OPN3: variants seen among roughly 807,000 people sequenced by gnomAD.
OPN3 encodes opsin 3.
Under a neutral mutation model 33.8 loss-of-function variants are expected in OPN3, and 29 were observed. The ratio of observed to expected loss-of-function variants is 0.86; its 90% CI spans 0.64 to 1.17. OPN3 has a LOEUF of 1.17. Among genes scored for constraint, OPN3 ranks in the 50% most tolerant of loss-of-function variants. The pLI, the probability that OPN3 is intolerant of heterozygous loss-of-function variation, is 0.00. For synonymous variants in OPN3, 216 were observed against 216.1 expected (o/e 1.00, Z 0.00); for missense variants, 437 against 514.1 (o/e 0.85, Z 1.45).
At chr1:241,612,274 A>T (rs955268900) in intron 1 of OPN3, among the ~76,000 whole-genome samples, 1 of 152,220 alleles carries the variant, frequency 6.6e-6, no homozygotes, top group African/African-American at 2.4e-5. Flanking sequence ...GTGAATGAGC[A>T]CACAGTAAAA....
intron 1 of OPN3, among the ~76,000 whole-genome samples, chr1:241,608,009 A>C (rs960596280): frequency 1.2e-4 from 19 of 152,218 alleles, no homozygotes; most frequent in African/African-American, 4.6e-4. Context: ...AAAAAATCTA[A>C]AAACCTAAAG....
chr1:241,635,828 G>T, intron 1 of OPN3: 1 of 1,492,628 alleles, frequency 6.7e-7, no homozygotes, highest in Non-Finnish European at 9.1e-7. Context: ...TGATTATGCT[G>T]TAATAAAATC....
intron 1 of OPN3, chr1:241,630,910 T>G (rs1202242883): frequency 3.3e-5 from 5 of 152,102 alleles, no homozygotes; most frequent in African/African-American, 4.8e-5. Flanking sequence ...TAGTAAATTA[T>G]TTGTTGCTGT....
chr1:241,594,448 T>C lies in OPN3; in HGVS notation c.1189A>G (p.Ile397Val). 1 of 1,613,290 alleles carries C rather than the reference T, an allele frequency of 6.2e-7. No individual in the cohort carries two copies. The highest frequency in any genetic ancestry group is 8.5e-7 in the Non-Finnish European group (1 of 1,179,300). ...DKTNGSKVDV[I>V]QVRPL Reference sequence around the variant, plus strand: ...CATTCCTACAAAGGACGAACTTGGATTACATCAACTTTGGACCCATTGGTT... The same window carrying C: ...CATTCCTACAAAGGACGAACTTGGACTACATCAACTTTGGACCCATTGGTT... The change falls in exon 4 of 4, where the codon ATC becomes GTC. Residue 397 changes from isoleucine (I) to valine (V), a missense_variant. Coordinates refer to ENST00000366554, the MANE Select transcript of OPN3 (RefSeq NM_014322.3).
In OPN3 at chr1:241,606,312, G is replaced by A. The variant is rs1663827934; in HGVS notation, c.374-1733C>T. On this transcript the variant is annotated intron_variant, in intron 1 of 3. Coordinates refer to ENST00000366554, the MANE Select transcript of OPN3 (RefSeq NM_014322.3). ...TAATCTCAGCACTTTGAGAGGCCGA[G>A]GCGGGTGGATCACCTGAGGTCAGGG... Among the ~76,000 whole-genome samples, 6 of 152,278 alleles carry A rather than the reference G, an allele frequency of 3.9e-5. No individual in the cohort carries two copies. In the South Asian group the frequency reaches 1.2e-3, roughly 32 times the overall value.
chr1:241,627,426 GGA>G (rs557470831), intron 1 of OPN3, among the ~76,000 whole-genome samples: 62 of 152,234 alleles, frequency 4.1e-4, no homozygotes, highest in African/African-American at 1.4e-3. Context: ...ATACAAAGTA[GGA>G]GAGTCCAGGC....
intron 1 of OPN3, chr1:241,629,927 CT>C (rs1252583247): frequency 6.6e-6 from 1 of 151,766 alleles, no homozygotes; most frequent in Admixed American, 6.6e-5. Flanking sequence ...TTTTTTCCCC[CT>C]AAATTAAAAA....
chr1:241,636,403 T>C (rs184898854), intron 1 of OPN3, among the ~76,000 whole-genome samples: 73 of 152,364 alleles, frequency 4.8e-4, no homozygotes, highest in Non-Finnish European at 7.5e-4. Context: ...GCTGTGAGCT[T>C]AGACTAAAAG....
At chr1:241,598,023 G>A (rs1424761841) in intron 2 of OPN3, 26 bp from the exon 3 acceptor site, 1 of 1,601,810 alleles carries the variant, frequency 6.2e-7, no homozygotes, top group East Asian at 2.2e-5. Context: ...AGAAAGGAAA[G>A]GGCTTAAAAA....
At chr1:241,610,005 A>C (rs57657056) in intron 1 of OPN3, among the ~76,000 whole-genome samples, 1 of 152,186 alleles carries the variant, frequency 6.6e-6, no homozygotes, top group Admixed American at 6.6e-5. Context: ...TGACATCTAC[A>C]TTTTTTGTCT....
intron 1 of OPN3, chr1:241,629,551 T>A (rs965571223): frequency 6.6e-6 from 1 of 152,130 alleles, no homozygotes; most frequent in African/African-American, 2.4e-5. Context: ...CCATGTGTAA[T>A]GCAAATAGCT....
chr1:241,597,986 C>G lies in OPN3; in HGVS notation c.705G>C (p.Val235=). ...TCACTTGAATTGTCTGAAGATCTTC[C>G]ACACAACGAAGCTGCAGAAAGGAGA... is the stretch of plus-strand genomic sequence containing the variant. ...ILYSIRMLRC[V]EDLQTIQVIK... is the part of the protein sequence containing the mutation. The change falls in exon 3 of 4, where the codon GTG becomes GTC. Residue 235 remains valine, a synonymous_variant. Transcript: ENST00000366554. The G allele has an allele frequency of 1.2e-6, 2 of 1,613,360 alleles. No individual in the cohort carries two copies. Among genetic ancestry groups the G allele is most frequent in the Non-Finnish European group, 1.7e-6 (2 of 1,179,772 alleles).
At chr1:241,616,923 TA>T (rs1462159124) in intron 1 of OPN3, among the ~76,000 whole-genome samples, 1 of 152,196 alleles carries the variant, frequency 6.6e-6, no homozygotes, top group African/African-American at 2.4e-5. Flanking sequence ...TTTTGGCTAT[TA>T]AAAAATCTAT....
chr1:241,634,536 C>T (rs772357239), intron 1 of OPN3: 2 of 1,613,846 alleles, frequency 1.2e-6, no homozygotes, highest in African/African-American at 1.3e-5. Context: ...TCTTTGTCGA[C>T]TACAAAGCAT....
Position 241,622,413 on chromosome 1 carries a change from A to G in OPN3, c.373+17469T>C, listed in dbSNP as rs1014850234. ...CTTATAACTTGCCAAAATACTCACC[A>G]GAAGAGAAATTAAATCTCACTACCA... On this transcript the variant is annotated intron_variant, in intron 1 of 3. Coordinates refer to ENST00000366554, the MANE Select transcript of OPN3 (RefSeq NM_014322.3). Among the ~76,000 whole-genome samples, 3 of 152,192 alleles carry G rather than the reference A, an allele frequency of 2.0e-5. No homozygotes were observed. In the East Asian group the frequency reaches 5.8e-4, roughly 29 times the overall value.
At chr1:241,634,507 T>C in intron 1 of OPN3, 2 of 1,613,972 alleles carry the variant, frequency 1.2e-6, no homozygotes, top group Middle Eastern at 1.6e-4. Flanking sequence ...GATCTATAAT[T>C]GCTTTACATC....
At position 241,639,963 on chromosome 1, in the gene OPN3, T is replaced by G. The variant is rs766557653; in HGVS notation, c.292A>C (p.Thr98Pro). ...CCGTTCCTCAGGCAGGACACGAAGG[T>G]AAAGGTGACCCCGAAGAGGGACACC... ...LLVSLFGVTF[T>P]FVSCLRNGWV... The change falls in exon 1 of 4, where the codon ACC becomes CCC. Residue 98 changes from threonine (T) to proline (P), a missense_variant. Transcript: ENST00000366554. The G allele has an allele frequency of 1.2e-6, 2 of 1,611,340 alleles. No individual in the cohort carries two copies. The highest frequency in any genetic ancestry group is 4.5e-5 in the East Asian group (2 of 44,446).
At chr1:241,615,840 C>A (rs1256849330) in intron 1 of OPN3, 1 of 456,472 alleles carries the variant, frequency 2.2e-6, no homozygotes, top group Admixed American at 2.3e-5. Flanking sequence ...GCCACTGTCA[C>A]CACCATTGCA....
At chr1:241,599,206 T>A (rs928225177) in intron 2 of OPN3, among the ~76,000 whole-genome samples, 3 of 152,056 alleles carry the variant, frequency 2.0e-5, no homozygotes, top group African/African-American at 7.2e-5. Context: ...GTAGAGAGAC[T>A]ATGTGCAGGG....
Sources: gnomAD v4.1 joint callset for allele counts (sites outside exome capture counted in the v4.1 genomes callset) on GRCh38, gnomAD v4.1.1 for gene constraint, MANE v1.5 for transcripts, NCBI Gene and HGNC (gene_info 2026-07-23, HGNC 2026-07-21) for gene names.